TENM2: variants seen among roughly 807,000 people sequenced by gnomAD.
TENM2 encodes teneurin-2.
Under a neutral mutation model 245.2 loss-of-function variants are expected in TENM2, and 52 were observed. The ratio of observed to expected loss-of-function variants is 0.21; its 90% CI spans 0.17 to 0.27. The LOEUF is 0.27. Among genes scored for constraint, TENM2 ranks in the 10% least tolerant of loss-of-function variants. The probability of loss-of-function intolerance (pLI) is 1.00; values close to 1 mark genes in which losing one functional copy is unlikely to be tolerated. For synonymous variants in TENM2, 1,363 were observed against 1,438.9 expected (o/e 0.95, Z 1.19); for missense variants, 3,046 against 3,666.8 (o/e 0.83, Z 4.37).
At chr5:167,853,447 C>T (rs1201976986) in intron 2 of TENM2, among the ~76,000 whole-genome samples, 1 of 151,978 alleles carries the variant, frequency 6.6e-6, no homozygotes, top group African/African-American at 2.4e-5. Context: ...GGTTCTGTGA[C>T]CCCGTGGGAG....
chr5:167,299,507 T>C (rs921640718), intron 1 of TENM2, among the ~76,000 whole-genome samples: 6 of 151,992 alleles, frequency 3.9e-5, no homozygotes, highest in African/African-American at 7.3e-5. Context: ...TGAATAATCC[T>C]TGAGAAGTAG....
At chr5:167,654,934 A>G (rs370666767) in intron 2 of TENM2, among the ~76,000 whole-genome samples, 5 of 152,270 alleles carry the variant, frequency 3.3e-5, no homozygotes, top group African/African-American at 9.6e-5. Context: ...CCAAGCTGGC[A>G]CCTATTATTA....
intron 2 of TENM2, among the ~76,000 whole-genome samples, chr5:167,815,972 TTGTG>T (rs34151147): frequency 0.15 from 21,589 of 143,942 alleles, 1,786 homozygotes; most frequent in East Asian, 0.31. Flanking sequence ...TTATGATCCT[TTGTG>T]TGTGTGTGTG....
At chr5:167,576,110 C>T (rs1043686428) in intron 2 of TENM2, among the ~76,000 whole-genome samples, 3 of 152,120 alleles carry the variant, frequency 2.0e-5, no homozygotes, top group Non-Finnish European at 4.4e-5. Context: ...TTTGAAGTTG[C>T]GACTTGGCTA....
At chr5:168,133,421 G>T (rs1012549012) in intron 12 of TENM2, among the ~76,000 whole-genome samples, 9 of 152,182 alleles carry the variant, frequency 5.9e-5, no homozygotes, top group African/African-American at 2.2e-4. Flanking sequence ...TGATCTCTAA[G>T]GACCTGTCCA....
chr5:167,496,064 C>T (rs1582205085), intron 2 of TENM2, among the ~76,000 whole-genome samples: 1 of 152,058 alleles, frequency 6.6e-6, no homozygotes, highest in Non-Finnish European at 1.5e-5. Flanking sequence ...TGATCTTGAA[C>T]TCTAAATCAA....
chr5:167,536,513 T>TA (rs1442707173), intron 2 of TENM2, among the ~76,000 whole-genome samples: 5 of 151,502 alleles, frequency 3.3e-5, no homozygotes, highest in Admixed American at 6.6e-5. Context: ...TGGTGGGCAA[T>TA]AAAAAAAACA....
At chr5:168,089,181 A>G (rs1232242152) in intron 7 of TENM2, among the ~76,000 whole-genome samples, 1 of 152,192 alleles carries the variant, frequency 6.6e-6, no homozygotes, top group Non-Finnish European at 1.5e-5. Flanking sequence ...TGTCCAGCCC[A>G]TGGTCAAGCC....
chr5:168,183,895 G>T (rs1005854602), intron 13 of TENM2, among the ~76,000 whole-genome samples: 6 of 152,024 alleles, frequency 3.9e-5, no homozygotes, highest in Admixed American at 1.3e-4. Context: ...AGGTGACAAG[G>T]TGCTCACAAC....
At position 167,356,217 on chromosome 5, in the gene TENM2, A is replaced by T. The variant is rs868860155; in HGVS notation, c.227-18981A>T. ...AAAAAAAAAAAAAAAAAAAAAAAAA[A>T]AAAATTAAAATTAAAAAAAAGGCAG... On this transcript the variant is annotated intron_variant, in intron 1 of 28. Transcript: ENST00000518659. 2.9e-4 allele frequency among the ~76,000 whole-genome samples: 37 copies of T among 129,102 alleles called. 1 individual carries two copies. Among genetic ancestry groups the T allele is most frequent in the African/African-American group, 1.1e-3 (35 of 31,166 alleles). 84.7% of individuals were successfully genotyped at this position (129,102 alleles called of 152,430 possible). A position where few individuals can be genotyped will look rare whatever the true frequency, so the allele number is the denominator to read the frequency against.
At chr5:167,124,456 A>C in the TENM2 span, among the ~76,000 whole-genome samples, 1 of 152,282 alleles carries the variant, frequency 6.6e-6, no homozygotes, top group African/African-American at 2.4e-5. Flanking sequence ...CTTATATAAA[A>C]CCTTGCCCAT....
intron 2 of TENM2, among the ~76,000 whole-genome samples, chr5:167,680,381 G>A (rs1470489557): frequency 2.0e-5 from 3 of 152,070 alleles, no homozygotes; most frequent in Admixed American, 6.6e-5. Context: ...ATAAAGACTG[G>A]GGGCAAATGA....
chr5:167,469,975 A>G (rs773934500), intron 2 of TENM2, among the ~76,000 whole-genome samples: 3 of 152,174 alleles, frequency 2.0e-5, no homozygotes, highest in African/African-American at 4.8e-5. Flanking sequence ...CTATGCACAT[A>G]TAATATTTTC....
chr5:167,369,744 A>T (rs1444575693), intron 1 of TENM2, among the ~76,000 whole-genome samples: 1 of 152,184 alleles, frequency 6.6e-6, no homozygotes, highest in Non-Finnish European at 1.5e-5. Context: ...AAACATTTAG[A>T]CAATGAAAGT....
the TENM2 span, among the ~76,000 whole-genome samples, chr5:167,211,884 C>T: frequency 6.6e-6 from 1 of 152,064 alleles, no homozygotes; most frequent in Non-Finnish European, 1.5e-5. Context: ...TTGCTAAGAA[C>T]TTTACATCTT....
At chr5:167,348,417 A>G (rs948581364) in intron 1 of TENM2, among the ~76,000 whole-genome samples, 5 of 152,164 alleles carry the variant, frequency 3.3e-5, no homozygotes, top group African/African-American at 1.2e-4. Flanking sequence ...GCTGTGGGCC[A>G]TTGACGAGCC....
intron 2 of TENM2, among the ~76,000 whole-genome samples, chr5:167,849,282 T>C (rs902017821): frequency 6.6e-6 from 1 of 152,180 alleles, no homozygotes; most frequent in Non-Finnish European, 1.5e-5. Context: ...CTTTAACTTA[T>C]TACAGCTGCA....
intron 2 of TENM2, among the ~76,000 whole-genome samples, chr5:167,766,636 G>A (rs1763040628): frequency 6.6e-6 from 1 of 152,144 alleles, no homozygotes; most frequent in Admixed American, 6.5e-5. Flanking sequence ...CAGCACTTTG[G>A]GAGGCTGAGG....
chr5:168,044,395 T>C (rs578205372), intron 5 of TENM2, among the ~76,000 whole-genome samples: 1 of 152,260 alleles, frequency 6.6e-6, no homozygotes, highest in Non-Finnish European at 1.5e-5. Flanking sequence ...AAGAAAAGGT[T>C]CAATGATTGG....
Sources: gnomAD v4.1 joint callset for allele counts (sites outside exome capture counted in the v4.1 genomes callset) on GRCh38, gnomAD v4.1.1 for gene constraint, MANE v1.5 for transcripts, NCBI Gene and HGNC (gene_info 2026-07-23, HGNC 2026-07-21) for gene names.